The following DENND2A variants were observed in gnomAD, a reference collection of about 807,000 sequenced individuals.
The protein encoded by DENND2A is DENN domain containing 2A, also known as DENN domain-containing protein 2A.
DENND2A carries 53 observed loss-of-function variants against 105.3 expected under a neutral mutation model. The observed-to-expected ratio is 0.50, with a 90% CI of 0.40 to 0.63. The LOEUF (loss-of-function observed/expected upper bound fraction) is 0.63. Among genes scored for constraint, DENND2A ranks in the 30% least tolerant of loss-of-function variants. The probability of loss-of-function intolerance (pLI) is 0.00; values close to 1 mark genes in which losing one functional copy is unlikely to be tolerated. For missense variants in DENND2A, 1,138 were observed against 1,279.6 expected (o/e 0.89, Z 1.69); for synonymous variants, 522 against 508.4 (o/e 1.03, Z -0.36).
At position 140,527,495 on chromosome 7, in the gene DENND2A, G is replaced by A. The variant is rs972824891; in HGVS notation, c.2328C>T (p.Ser776=). 6.3e-7 allele frequency: 1 copy of A among 1,594,992 alleles called. No individual in the cohort carries two copies. The highest frequency in any genetic ancestry group is 8.6e-7 in the Non-Finnish European group (1 of 1,168,380). ...RRVIFIADKL[S]ILSKCCHAMV... is the part of the protein sequence containing the mutation. ...TCGCGTGGCAGCACTTGGACAGGAT[G>A]CTGCAGCCGGGGAGAGAACAGGGAG... The change falls in exon 15 of 20, where the codon AGC becomes AGT. Residue 776 remains serine (S), a splice_region_variant and synonymous_variant. Coordinates refer to ENST00000496613, the MANE Select transcript of DENND2A (RefSeq NM_015689.5). This position sits in a 1 kb window ranked among gnomAD's most constrained non-coding sequence, Gnocchi z 4.9.
At chr7:140,586,465 A>G (rs1202936927) in intron 4 of DENND2A, among the ~76,000 whole-genome samples, 1 of 152,024 alleles carries the variant, frequency 6.6e-6, no homozygotes, top group Non-Finnish European at 1.5e-5. Flanking sequence ...AGGCTGAGGC[A>G]GGAGAATTGC....
intron 1 of DENND2A, among the ~76,000 whole-genome samples, chr7:140,606,701 G>T (rs1326764967): frequency 6.6e-6 from 1 of 152,118 alleles, no homozygotes; most frequent in East Asian, 1.9e-4. Context: ...TCTGGTCTAA[G>T]GAACACCAGG....
chr7:140,630,962 G>A (rs1374654079), intron 1 of DENND2A, among the ~76,000 whole-genome samples: 1 of 152,212 alleles, frequency 6.6e-6, no homozygotes, highest in Non-Finnish European at 1.5e-5. Context: ...GCCAGATCTT[G>A]GCAGGGGGAG....
rs571287390 is a variant in DENND2A at position 140,630,918 on chromosome 7, C to A, written c.-248+9586G>T. 3.3e-5 allele frequency among the ~76,000 whole-genome samples: 5 copies of A among 152,234 alleles called. No homozygotes were observed. In the East Asian group the frequency reaches 7.7e-4, roughly 24 times the overall value. On this transcript the variant is annotated intron_variant, in intron 1 of 19. Transcript: ENST00000496613. The stretch of plus-strand genomic sequence containing the variant: ...ATAACAAAGGTGTGCAGGAGCCCAA[C>A]AAGCAGAATGGCCTTATTGTTAACA...
At chr7:140,524,703 G>A (rs896523209) in intron 16 of DENND2A, among the ~76,000 whole-genome samples, 4 of 151,876 alleles carry the variant, frequency 2.6e-5, no homozygotes, top group East Asian at 1.9e-4. Context: ...AGCCTCCTGC[G>A]TAGCTGCTGG....
intron 5 of DENND2A, among the ~76,000 whole-genome samples, chr7:140,577,327 C>T (rs192285269): frequency 1.3e-5 from 2 of 151,800 alleles, no homozygotes; most frequent in Admixed American, 1.3e-4. Flanking sequence ...GCAATGAAGA[C>T]ATCTAATTGT....
chr7:140,603,191 CA>C (rs1292084703), intron 2 of DENND2A, among the ~76,000 whole-genome samples: 2 of 142,864 alleles, frequency 1.4e-5, no homozygotes, highest in Non-Finnish European at 3.1e-5. Context: ...GAGATTGAGG[CA>C]GGAGAATTGC....
chr7:140,548,067 A>G (rs1049514169), intron 12 of DENND2A, among the ~76,000 whole-genome samples: 1 of 152,106 alleles, frequency 6.6e-6, no homozygotes. Flanking sequence ...AATATGCTGA[A>G]AGCCACTGAA....
rs532677520 is a variant in DENND2A, at chr7:140,591,273, T to C, written c.996-3493A>G. ...GATCAAGCCACTGCATTCCAGCCACTGCACTCTCACTCATTTTGAGACAGA... is the reference window on the plus strand; with the variant it reads ...GATCAAGCCACTGCATTCCAGCCACCGCACTCTCACTCATTTTGAGACAGA... On this transcript the variant is annotated intron_variant, in intron 3 of 19. Transcript: ENST00000496613. 7.2e-5 allele frequency among the ~76,000 whole-genome samples: 11 copies of C among 152,274 alleles called. No homozygotes were observed. The East Asian group carries it at 1.9e-3, about 27-fold the overall frequency.
rs141724209 is a variant in DENND2A, at chr7:140,636,770, C to G, written c.-248+3734G>C. On this transcript the variant is annotated intron_variant, in intron 1 of 19. Transcript: ENST00000496613. ...GTGGCACAATCATAGCTCCCTGCAGCCTCAACCTCCCTAGGCTCAAGTGAT... is the reference window on the plus strand; with the variant it reads ...GTGGCACAATCATAGCTCCCTGCAGGCTCAACCTCCCTAGGCTCAAGTGAT... Among the ~76,000 whole-genome samples, 4 of 151,102 alleles carry G rather than the reference C, an allele frequency of 2.6e-5. No homozygotes were observed. In the East Asian group the frequency reaches 7.8e-4, roughly 30 times the overall value.
intron 1 of DENND2A, among the ~76,000 whole-genome samples, chr7:140,613,774 A>C (rs1193660332): frequency 6.6e-6 from 1 of 152,196 alleles, no homozygotes; most frequent in Non-Finnish European, 1.5e-5. Context: ...CAGCTTAGGA[A>C]CTGAGTCACA....
chr7:140,519,536 T>C (rs1196171913), intron 19 of DENND2A, 96 bp downstream of exon 19: 1 of 1,070,988 alleles, frequency 9.3e-7, no homozygotes, highest in East Asian at 2.4e-5. Flanking sequence ...CTCTGCATTA[T>C]TCAGGGCGCT....
intron 4 of DENND2A, among the ~76,000 whole-genome samples, chr7:140,586,758 A>C (rs1240013724): frequency 7.9e-5 from 12 of 152,196 alleles, no homozygotes; most frequent in Non-Finnish European, 1.3e-4. Flanking sequence ...ACACAGATGC[A>C]ATTCCAATTG....
chr7:140,583,073 TG>T (rs1229295778), intron 5 of DENND2A, among the ~76,000 whole-genome samples: 1 of 151,228 alleles, frequency 6.6e-6, no homozygotes, highest in African/African-American at 2.4e-5. Flanking sequence ...GGGTAGATCA[TG>T]AGGTCAGGAG....
In DENND2A at chr7:140,606,684, T is replaced by C. The variant is rs1439445174; in HGVS notation, c.-247-878A>G. 2.0e-5 allele frequency among the ~76,000 whole-genome samples: 3 copies of C among 152,066 alleles called. No homozygotes were observed. The East Asian group carries it at 5.8e-4, about 29-fold the overall frequency. On this transcript the variant is annotated intron_variant, in intron 1 of 19. Transcript: ENST00000496613. ...GAGGAAGAAACAGCCAGTCACGAGGTCATCTGTCTGGTCTAAGGAACACCA... is the reference window on the plus strand; with the variant it reads ...GAGGAAGAAACAGCCAGTCACGAGGCCATCTGTCTGGTCTAAGGAACACCA...
chr7:140,562,244 T>C (rs911636163), intron 9 of DENND2A, among the ~76,000 whole-genome samples: 1 of 152,026 alleles, frequency 6.6e-6, no homozygotes, highest in Admixed American at 6.6e-5. Flanking sequence ...AAGCCAGCAG[T>C]CCTGTTCACT....
At chr7:140,548,728 C>T (rs1797002486) in intron 12 of DENND2A, among the ~76,000 whole-genome samples, 1 of 151,426 alleles carries the variant, frequency 6.6e-6, no homozygotes, top group African/African-American at 2.4e-5. Context: ...ATTCTCCTGC[C>T]TCAGCCTCCC....
intron 14 of DENND2A, chr7:140,544,215 G>A (rs1796798334): frequency 1.7e-5 from 5 of 290,064 alleles, no homozygotes; most frequent in East Asian, 7.6e-5. Context: ...GGGGGCAGGA[G>A]GGAAGGTCTC....
intron 3 of DENND2A, among the ~76,000 whole-genome samples, chr7:140,588,747 T>C (rs1798887370): frequency 6.7e-6 from 1 of 149,920 alleles, no homozygotes. Flanking sequence ...ATTACTATTC[T>C]TATCCACTTT....
Sources: allele counts gnomAD v4.1 joint callset (sites outside exome capture counted in the v4.1 genomes callset), GRCh38; gene constraint gnomAD v4.1.1; non-coding constraint Gnocchi (gnomAD v3.1); transcripts MANE v1.5; gene names NCBI Gene and HGNC (gene_info 2026-07-23, HGNC 2026-07-21).